CEP85L: variants seen among roughly 807,000 people sequenced by gnomAD.
CEP85L encodes centrosomal protein of 85 kDa-like.
CEP85L carries 60 observed loss-of-function variants against 100.3 expected under a neutral mutation model. The observed-to-expected ratio is 0.60, with a 90% confidence interval of 0.49 to 0.74. The LOEUF is 0.74. CEP85L is among the 30% of genes least tolerant of loss of function. CEP85L has a pLI of 0.00. For synonymous variants in CEP85L, 319 were observed against 322.7 expected, an observed-to-expected ratio of 0.99 and a Z score of 0.12; for missense variants, 973 against 936.2, an observed-to-expected ratio of 1.04 and a Z score of -0.51.
intron 4 of CEP85L, among the ~76,000 whole-genome samples, chr6:118,521,230 A>G (rs904741233): frequency 6.6e-6 from 1 of 152,186 alleles, no homozygotes; most frequent in Admixed American, 6.6e-5. Flanking sequence ...TGTGCCATCA[A>G]CATTTTAAAG....
chr6:118,617,123 C>T (rs1488876793), intron 2 of CEP85L, among the ~76,000 whole-genome samples: 1 of 152,158 alleles, frequency 6.6e-6, no homozygotes, highest in African/African-American at 2.4e-5. Context: ...GCCAGCTGGG[C>T]TTCCTGGGTC....
intron 3 of CEP85L, among the ~76,000 whole-genome samples, chr6:118,525,514 C>T (rs1461613130): frequency 6.6e-6 from 1 of 152,136 alleles, no homozygotes; most frequent in East Asian, 1.9e-4. Context: ...TTTGGACCTA[C>T]GTACACAAGG....
chr6:118,598,405 C>A (rs532433667), intron 2 of CEP85L, among the ~76,000 whole-genome samples: 2 of 152,284 alleles, frequency 1.3e-5, no homozygotes, highest in East Asian at 3.9e-4. Context: ...TGAATGTGAC[C>A]TTATTTGGAA....
rs1781672559 is a variant in CEP85L, at chr6:118,600,298, G to GTGT, written c.232+32154_232+32155insACA. ...TACTGCCTGTCCCTGAGCCTTCCTG[G>GTGT]GGGTGTGTGTGTGTGTGTGTGTGTG... On this transcript the variant is annotated intron_variant, in intron 2 of 12. Coordinates refer to ENST00000368491, the MANE Select transcript of CEP85L (RefSeq NM_001042475.3). 4.6e-3 allele frequency among the ~76,000 whole-genome samples: 270 copies of GTGT among 59,172 alleles called. 52 individuals carry two copies. The highest frequency in any genetic ancestry group is 0.012 in the African/African-American group (213 of 17,390). The allele number at this position is 59,172 out of a possible 152,430, so 38.8% of individuals were successfully genotyped here. A position where few individuals can be genotyped will look rare whatever the true frequency, so the allele number is the denominator to read the frequency against.
intron 3 of CEP85L, among the ~76,000 whole-genome samples, chr6:118,549,626 T>A (rs1485824559): frequency 6.6e-6 from 1 of 151,842 alleles, no homozygotes; most frequent in African/African-American, 2.4e-5. Flanking sequence ...ACCACTGAGG[T>A]ATCCTAATTG....
intron 3 of CEP85L, chr6:118,560,696 T>C (rs912882797): frequency 6.0e-6 from 1 of 166,520 alleles, no homozygotes; most frequent in African/African-American, 2.4e-5. Flanking sequence ...GATCCAGCTA[T>C]GCTATTTATA....
At chr6:118,514,322 C>A (rs973825773) in intron 4 of CEP85L, among the ~76,000 whole-genome samples, 9 of 151,818 alleles carry the variant, frequency 5.9e-5, no homozygotes, top group African/African-American at 1.9e-4. Flanking sequence ...GTCCGGAGTT[C>A]AAGACCAGCC....
At chr6:118,494,082 A>G (rs923476949) in intron 5 of CEP85L, among the ~76,000 whole-genome samples, 6 of 152,244 alleles carry the variant, frequency 3.9e-5, no homozygotes, top group Non-Finnish European at 8.8e-5. Flanking sequence ...CTGGAAAAAA[A>G]GGATAGGTAG....
chr6:118,669,689 T>C (rs1776237225), intron 1 of CEP85L, among the ~76,000 whole-genome samples: 1 of 151,992 alleles, frequency 6.6e-6, no homozygotes. Flanking sequence ...TACTAAAACC[T>C]TTCATATCCA....
At chr6:118,519,430 C>CTGTGTG (rs1353098966) in intron 4 of CEP85L, among the ~76,000 whole-genome samples, 1 of 91,144 alleles carries the variant, frequency 1.1e-5, no homozygotes, top group East Asian at 4.6e-4. Flanking sequence ...CAGAGCAAAA[C>CTGTGTG]TCTGTGTGTG....
intron 3 of CEP85L, among the ~76,000 whole-genome samples, chr6:118,539,199 A>G (rs1392675576): frequency 1.3e-5 from 2 of 152,218 alleles, no homozygotes; most frequent in Non-Finnish European, 2.9e-5. Flanking sequence ...TTTGATAGTC[A>G]TGCACTGCAT....
chr6:118,465,432 G>A lies in CEP85L; in HGVS notation c.2391C>T (p.Asp797=). The change falls in exon 13 of 13, where the codon GAC becomes GAT. Residue 797 remains aspartate (D), a synonymous_variant. Coordinates refer to ENST00000368491, the MANE Select transcript of CEP85L (RefSeq NM_001042475.3). ...RTTISDRYAQ[D]MGDNCITQ The stretch of plus-strand genomic sequence containing the variant: ...ACTGAGTAATGCAGTTGTCTCCCAT[G>A]TCCTGAGCATAGCGGTCTGATATTG... 7 of 1,613,354 alleles carry A rather than the reference G, an allele frequency of 4.3e-6. No individual in the cohort carries two copies. Among genetic ancestry groups the A allele is most frequent in the Non-Finnish European group, 5.1e-6 (6 of 1,179,526 alleles).
intron 3 of CEP85L, among the ~76,000 whole-genome samples, chr6:118,535,612 T>A (rs1777545064): frequency 6.6e-6 from 1 of 152,174 alleles, no homozygotes; most frequent in Non-Finnish European, 1.5e-5. Context: ...ACCATTTTGT[T>A]TCCTCTCACC....
intron 1 of CEP85L, among the ~76,000 whole-genome samples, chr6:118,641,709 G>A: frequency 6.6e-6 from 1 of 151,760 alleles, no homozygotes; most frequent in African/African-American, 2.4e-5. Context: ...CTATATTACT[G>A]CAAAGAAACC....
chr6:118,574,591 C>T (rs141844992), intron 2 of CEP85L, among the ~76,000 whole-genome samples: 171 of 152,282 alleles, frequency 1.1e-3, no homozygotes, highest in African/African-American at 3.9e-3. Context: ...TGCCTCACTG[C>T]GGTGGCCTCA....
At chr6:118,658,974 GA>G (rs991649284) in intron 1 of CEP85L, among the ~76,000 whole-genome samples, 1 of 152,018 alleles carries the variant, frequency 6.6e-6, no homozygotes, top group Non-Finnish European at 1.5e-5. Context: ...TATTTTGGGG[GA>G]ATCTATTTTT....
At chr6:118,680,629 C>G (rs1776626850) in intron 1 of CEP85L, among the ~76,000 whole-genome samples, 1 of 152,144 alleles carries the variant, frequency 6.6e-6, no homozygotes, top group East Asian at 1.9e-4. Flanking sequence ...ATAATCCCAG[C>G]TTTTTGGAAG....
At chr6:118,636,154 A>G (rs1464592689) in intron 1 of CEP85L, among the ~76,000 whole-genome samples, 2 of 152,242 alleles carry the variant, frequency 1.3e-5, no homozygotes, top group Non-Finnish European at 2.9e-5. Context: ...GACAAGTCCA[A>G]TGAAACCTGG....
Position 118,627,163 on chromosome 6 carries a change from C to T in CEP85L, c.232+5290G>A, listed in dbSNP as rs372149412. Among the ~76,000 whole-genome samples, 6 of 132,524 alleles carry T rather than the reference C, an allele frequency of 4.5e-5. No individual in the cohort carries two copies. In the East Asian group the frequency reaches 8.7e-4, roughly 19 times the overall value. The allele number at this position is 132,524 out of a possible 152,430, so 86.9% of individuals were successfully genotyped here. ...ACAGTGAGACAAAATCCCGCCACCG[C>T]ACTCCTGCCTGGACAACAGAGCAAG... On this transcript the variant is annotated intron_variant, in intron 2 of 12. Transcript: ENST00000368491.
Sources: gnomAD v4.1 joint callset for allele counts (sites outside exome capture counted in the v4.1 genomes callset) on GRCh38, gnomAD v4.1.1 for gene constraint, MANE v1.5 for transcripts, NCBI Gene and HGNC (gene_info 2026-07-23, HGNC 2026-07-21) for gene names.